Variants in CCDC146 observed in about 807,000 individuals in gnomAD.
The protein encoded by CCDC146 is coiled-coil domain containing 146, also known as coiled-coil domain-containing protein 146.
A neutral mutation model predicts 119.3 loss-of-function variants in CCDC146; 92 were observed. The observed-to-expected ratio is 0.77, with a 90% CI of 0.65 to 0.92. CCDC146 has a LOEUF of 0.92. CCDC146 is among the 40% of genes least tolerant of loss of function. CCDC146 has a pLI of 0.00. For synonymous variants in CCDC146, 372 were observed against 371.8 expected (o/e 1.00, Z -0.01); for missense variants, 1,000 against 1,103.0 (o/e 0.91, Z 1.32).
At chr7:77,126,971 A>G (rs1790697346) in intron 1 of CCDC146, among the ~76,000 whole-genome samples, 1 of 152,136 alleles carries the variant, frequency 6.6e-6, no homozygotes, top group Admixed American at 6.5e-5. Context: ...GCTGCCATTC[A>G]TGGCCCCAGG....
At chr7:77,215,568 A>G (rs934729763) in intron 2 of CCDC146, among the ~76,000 whole-genome samples, 3 of 152,186 alleles carry the variant, frequency 2.0e-5, no homozygotes, top group Non-Finnish European at 2.9e-5. Flanking sequence ...GAACTAGGAA[A>G]GATAGATTAT....
intron 2 of CCDC146, among the ~76,000 whole-genome samples, chr7:77,222,863 G>C (rs540870934): frequency 5.1e-4 from 77 of 152,282 alleles, no homozygotes; most frequent in African/African-American, 1.8e-3. Flanking sequence ...TGATTAGTCC[G>C]TCACATCCTG....
intron 4 of CCDC146, among the ~76,000 whole-genome samples, chr7:77,252,514 A>G (rs1055082765): frequency 2.6e-5 from 4 of 152,238 alleles, no homozygotes; most frequent in African/African-American, 9.6e-5. Flanking sequence ...GAAGGAATAG[A>G]AAAACAGTAG....
intron 1 of CCDC146, among the ~76,000 whole-genome samples, chr7:77,134,612 A>G (rs1181811030): frequency 2.7e-5 from 4 of 147,280 alleles, no homozygotes; most frequent in Admixed American, 2.7e-4. Flanking sequence ...TGGGGTATGC[A>G]TGTTCTCCCT....
At chr7:77,173,784 T>C (rs1375816630) in intron 2 of CCDC146, among the ~76,000 whole-genome samples, 17 of 152,068 alleles carry the variant, frequency 1.1e-4, no homozygotes, top group Admixed American at 1.1e-3. Flanking sequence ...CTATTGGATA[T>C]TTAATCCTGT....
At chr7:77,197,840 C>T (rs1458641750) in intron 2 of CCDC146, among the ~76,000 whole-genome samples, 1 of 152,062 alleles carries the variant, frequency 6.6e-6, no homozygotes, top group Non-Finnish European at 1.5e-5. Context: ...TAGAAAGAAA[C>T]AACAGGTGAC....
chr7:77,211,533 C>A (rs1256437898), intron 2 of CCDC146, among the ~76,000 whole-genome samples: 1 of 152,040 alleles, frequency 6.6e-6, no homozygotes, highest in Non-Finnish European at 1.5e-5. Flanking sequence ...TGTACATGCA[C>A]CTTGAAGGGT....
intron 2 of CCDC146, among the ~76,000 whole-genome samples, chr7:77,222,298 G>A (rs1584086417): frequency 6.6e-6 from 1 of 152,314 alleles, no homozygotes; most frequent in East Asian, 1.9e-4. Flanking sequence ...GGCAGAAGGG[G>A]AAGTGAAGGG....
chr7:77,215,853 A>G (rs1471378522), intron 2 of CCDC146, among the ~76,000 whole-genome samples: 1 of 152,114 alleles, frequency 6.6e-6, no homozygotes, highest in Non-Finnish European at 1.5e-5. Context: ...TCAAATTGGA[A>G]TGGTTCCTTC....
At chr7:77,149,786 C>CGAGAGA (rs59790559) in intron 1 of CCDC146, among the ~76,000 whole-genome samples, 23 of 136,156 alleles carry the variant, frequency 1.7e-4, no homozygotes, top group South Asian at 2.4e-4. Flanking sequence ...AAAAAAAAAG[C>CGAGAGA]GAGAGAGAGA....
At chr7:77,292,389 G>A (rs1029956345) in intron 17 of CCDC146, among the ~76,000 whole-genome samples, 1 of 150,728 alleles carries the variant, frequency 6.6e-6, no homozygotes, top group Non-Finnish European at 1.5e-5. Context: ...GCTGAGGCAG[G>A]CGGATCACGA....
At chr7:77,242,292 AT>A in intron 4 of CCDC146, 1 of 737,322 alleles carries the variant, frequency 1.4e-6, no homozygotes, top group Non-Finnish European at 1.7e-6. Flanking sequence ...CCCCACATGC[AT>A]TTTCCAAACA....
At chr7:77,246,508 GTT>G (rs1248165218) in intron 4 of CCDC146, 1 of 152,170 alleles carries the variant, frequency 6.6e-6, no homozygotes, top group Non-Finnish European at 1.5e-5. Context: ...TCAGATTTAA[GTT>G]TTAATGCAAG....
intron 1 of CCDC146, among the ~76,000 whole-genome samples, chr7:77,164,626 T>G (rs1174822510): frequency 6.6e-6 from 1 of 152,214 alleles, no homozygotes; most frequent in Non-Finnish European, 1.5e-5. Context: ...AAATTAGAGA[T>G]AGAGTGAAGC....
intron 7 of CCDC146, 95 bp downstream of exon 7, chr7:77,259,163 T>G (rs745356977): frequency 5.7e-6 from 4 of 705,424 alleles, no homozygotes; most frequent in Non-Finnish European, 9.3e-6. Flanking sequence ...ATTAAATTAC[T>G]ATGATAATTT....
chr7:77,294,960 T>G lies in CCDC146; in HGVS notation c.*94T>G, dbSNP rs1441274965. 45 of 992,764 alleles carry G rather than the reference T, an allele frequency of 4.5e-5. No homozygotes were observed. The highest frequency in any genetic ancestry group is 6.6e-5 in the Non-Finnish European group (45 of 681,644). The allele number at this position is 992,764 out of a possible 1,614,324, so 61.5% of individuals were successfully genotyped here. ...AAATGTGAGCATAATACTTCTAATATTATTGATAAGTAAGGTAACCACAAT... is the reference window on the plus strand; with the variant it reads ...AAATGTGAGCATAATACTTCTAATAGTATTGATAAGTAAGGTAACCACAAT... On this transcript the variant is annotated 3_prime_UTR_variant, in exon 19 of 19. Coordinates refer to ENST00000285871, the MANE Select transcript of CCDC146 (RefSeq NM_020879.3).
rs181326097 is a variant in CCDC146, at chr7:77,278,852, A to T, written c.1529+12A>T. The stretch of plus-strand genomic sequence containing the variant: ...GAAATTTATCGGAGGTAAAGTAATT[A>T]TGTGGTGTTTTATCTACGTAGGTGA... On this transcript the variant is annotated intron_variant, in intron 12 of 18. Coordinates refer to ENST00000285871, the MANE Select transcript of CCDC146 (RefSeq NM_020879.3). 2.6e-3 allele frequency: 4,132 copies of T among 1,605,416 alleles called. 5 individuals carry two copies. Among genetic ancestry groups the T allele is most frequent in the Non-Finnish European group, 3.1e-3 (3,688 of 1,172,886 alleles).
At chr7:77,245,987 CT>C (rs1399526138) in intron 4 of CCDC146, among the ~76,000 whole-genome samples, 5 of 152,176 alleles carry the variant, frequency 3.3e-5, no homozygotes, top group African/African-American at 1.2e-4. Flanking sequence ...ACCTGAGACA[CT>C]TGTTTGAAAG....
chr7:77,268,158 T>C (rs1056718553), intron 9 of CCDC146, among the ~76,000 whole-genome samples: 3 of 152,218 alleles, frequency 2.0e-5, no homozygotes, highest in Non-Finnish European at 4.4e-5. Context: ...AAATTTTACC[T>C]AGAAAAAGAA....
Sources: allele counts gnomAD v4.1 joint callset (sites outside exome capture counted in the v4.1 genomes callset), GRCh38; gene constraint gnomAD v4.1.1; transcripts MANE v1.5; gene names NCBI Gene and HGNC (gene_info 2026-07-23, HGNC 2026-07-21).